TMEM215: variants seen among roughly 807,000 people sequenced by gnomAD.
TMEM215 encodes transmembrane protein 215.
Under a neutral mutation model 14.7 loss-of-function variants are expected in TMEM215, and 12 were observed. The ratio of observed to expected loss-of-function variants is 0.82; its 90% confidence interval spans 0.52 to 1.33. The LOEUF (loss-of-function observed/expected upper bound fraction) is 1.33. TMEM215 is among the 40% of genes most tolerant of loss of function. TMEM215 has a pLI of 0.00. For missense variants in TMEM215, 276 were observed against 296.2 expected (o/e 0.93, Z 0.50); for synonymous variants, 122 against 124.8 (o/e 0.98, Z 0.15).
chr9:32,786,526 C>A lies in TMEM215; in HGVS notation c.*1635C>A, dbSNP rs1824508498. The A allele has an allele frequency of 6.0e-6, 1 of 166,850 alleles. No individual in the cohort carries two copies. The highest frequency in any genetic ancestry group is 2.4e-5 in the African/African-American group (1 of 41,416). The allele number at this position is 166,850 out of a possible 1,614,324, so 10.3% of individuals were successfully genotyped here. A position where few individuals can be genotyped will look rare whatever the true frequency, so the allele number is the denominator to read the frequency against. Reference sequence around the variant, plus strand: ...TTTTATCTTCTTACACCTGAGTTTCCTACTCTGTGAAGGGAGGGGGAACTG... The same window carrying A: ...TTTTATCTTCTTACACCTGAGTTTCATACTCTGTGAAGGGAGGGGGAACTG... On this transcript the variant is annotated 3_prime_UTR_variant, in exon 2 of 2. Coordinates refer to ENST00000342743, the MANE Select transcript of TMEM215 (RefSeq NM_212558.3).
In TMEM215 at chr9:32,784,573, C is replaced by G; in HGVS notation, c.390C>G (p.Ser130=). 1.9e-6 allele frequency: 3 copies of G among 1,613,590 alleles called. No individual in the cohort carries two copies. The highest frequency in any genetic ancestry group is 2.2e-5 in the South Asian group (2 of 91,062). Residue 130 remains serine, a synonymous_variant, in exon 2 of 2, where the codon TCC becomes TCG. Coordinates refer to ENST00000342743, the MANE Select transcript of TMEM215 (RefSeq NM_212558.3). ...CCCCACAAAGCCAGGGTGAGGTGTCCGTGGCCAGCTCCATCAACAGCCCCA... is the reference window on the plus strand; with the variant it reads ...CCCCACAAAGCCAGGGTGAGGTGTCGGTGGCCAGCTCCATCAACAGCCCCA... ...KPPPQSQGEV[S]VASSINSPTP...
rs1824503542 is a variant in TMEM215 at position 32,786,077 on chromosome 9, A to G, written c.*1186A>G. 6.0e-6 allele frequency: 1 copy of G among 167,002 alleles called. No individual in the cohort carries two copies. The highest frequency in any genetic ancestry group is 1.5e-5 in the Non-Finnish European group (1 of 68,082). The allele number at this position is 167,002 out of a possible 1,614,324, so 10.3% of individuals were successfully genotyped here. A position where few individuals can be genotyped will look rare whatever the true frequency, so the allele number is the denominator to read the frequency against. Reference sequence around the variant, plus strand: ...CTGCTGAGGAAAACAACAAATCACAATGATATCCTAAAATGTGCTTTCTAT... The same window carrying G: ...CTGCTGAGGAAAACAACAAATCACAGTGATATCCTAAAATGTGCTTTCTAT... On this transcript the variant is annotated 3_prime_UTR_variant, in exon 2 of 2. Coordinates refer to ENST00000342743, the MANE Select transcript of TMEM215 (RefSeq NM_212558.3).
In TMEM215 at chr9:32,783,814, T is replaced by G. The variant is rs1466716273; in HGVS notation, c.-59+9T>G. 5.2e-6 allele frequency: 1 copy of G among 193,952 alleles called. No individual in the cohort carries two copies. The highest frequency in any genetic ancestry group is 1.0e-5 in the Non-Finnish European group (1 of 95,372). The allele number at this position is 193,952 out of a possible 1,614,324, so 12.0% of individuals were successfully genotyped here. On this transcript the variant is annotated intron_variant, in intron 1 of 1. Coordinates refer to ENST00000342743, the MANE Select transcript of TMEM215 (RefSeq NM_212558.3). ...AGGGCAGGAAACCTCAGGTACCTCGTTGACCCCAGCCGGAGCGTGTTGATA... is the reference window on the plus strand; with the variant it reads ...AGGGCAGGAAACCTCAGGTACCTCGGTGACCCCAGCCGGAGCGTGTTGATA...
Position 32,784,235 on chromosome 9 carries a change from A to G in TMEM215, c.52A>G (p.Ser18Gly). Residue 18 changes from serine to glycine, a missense_variant, in exon 2 of 2, where the codon AGT becomes GGT. Ser to Gly is a moderately conservative substitution (Grantham distance 56). Coordinates refer to ENST00000342743, the MANE Select transcript of TMEM215 (RefSeq NM_212558.3). ...GACTGGGCTGGTGGTGGCCCTGGTCAGTGTCTTCCTCGTCTTTGGTTTCAT... is the reference window on the plus strand; with the variant it reads ...GACTGGGCTGGTGGTGGCCCTGGTCGGTGTCTTCCTCGTCTTTGGTTTCAT... ...PRTGLVVALV[S>G]VFLVFGFMFT... 1 of 1,614,182 alleles carries G rather than the reference A, an allele frequency of 6.2e-7. No individual in the cohort carries two copies. The highest frequency in any genetic ancestry group is 2.2e-5 in the East Asian group (1 of 44,872).
chr9:32,784,041 CAA>C, intron 1 of TMEM215, 83 bp from the exon 2 acceptor site: 1 of 730,546 alleles, frequency 1.4e-6, no homozygotes, highest in Non-Finnish European at 2.3e-6. Flanking sequence ...AAGTCGGAGA[CAA>C]AGGGCAAGAG....
Position 32,784,924 on chromosome 9 carries a change from A to C in TMEM215, c.*33A>C. 14 of 1,568,314 alleles carry C rather than the reference A, an allele frequency of 8.9e-6. No homozygotes were observed. Among genetic ancestry groups the C allele is most frequent in the Non-Finnish European group, 1.1e-5 (13 of 1,147,168 alleles). ...CTACAAAGGTGGCTGGATTGATAGA[A>C]TATGACTAAGCCCAGCTCCCCGTGG... On this transcript the variant is annotated 3_prime_UTR_variant, in exon 2 of 2. Transcript: ENST00000342743.
rs549813167 is a variant in TMEM215 at position 32,784,786 on chromosome 9, G to A, written c.603G>A (p.Gln201=). 5.5e-5 allele frequency: 88 copies of A among 1,613,838 alleles called. No homozygotes were observed. The South Asian group carries it at 9.3e-4, about 17-fold the overall frequency. ...AGGATAGCATCTTCTTTGTGCCCCA[G>A]GACAGTATCATCGTTTGCTCCTACA... The part of the protein sequence containing the change: ...EPEDSIFFVP[Q]DSIIVCSYKQ... The change falls in exon 2 of 2, where the codon CAG becomes CAA. Residue 201 remains glutamine (Q), a synonymous_variant. Coordinates refer to ENST00000342743, the MANE Select transcript of TMEM215 (RefSeq NM_212558.3).
Position 32,784,467 on chromosome 9 carries a change from T to C in TMEM215, c.284T>C (p.Leu95Pro). 6.2e-7 allele frequency: 1 copy of C among 1,614,102 alleles called. No homozygotes were observed. Among genetic ancestry groups the C allele is most frequent in the South Asian group, 1.1e-5 (1 of 91,080 alleles). ...KPKDKEVVEL[L>P]RTPSDLESGK... ...AAAGACAAGGAGGTGGTAGAGCTGC[T>C]GAGGACCCCTTCAGACCTAGAATCC... is the stretch of plus-strand genomic sequence containing the variant. Residue 95 changes from leucine to proline, a missense_variant, in exon 2 of 2, where the codon CTG (leucine) becomes CCG (proline). Leu to Pro is a moderately conservative substitution (Grantham distance 98, BLOSUM62 -3). Coordinates refer to ENST00000342743, the MANE Select transcript of TMEM215 (RefSeq NM_212558.3).
chr9:32,784,555 A>G lies in TMEM215; in HGVS notation c.372A>G (p.Gln124=). Residue 124 remains glutamine (Q), a synonymous_variant, in exon 2 of 2, where the codon CAA becomes CAG. Coordinates refer to ENST00000342743, the MANE Select transcript of TMEM215 (RefSeq NM_212558.3). The part of the protein sequence containing the change: ...KAGLRGKPPP[Q]SQGEVSVASS... Reference sequence around the variant, plus strand: ...GCCTCAGGGGGAAGCCTCCCCCACAAAGCCAGGGTGAGGTGTCCGTGGCCA... The same window carrying G: ...GCCTCAGGGGGAAGCCTCCCCCACAGAGCCAGGGTGAGGTGTCCGTGGCCA... 6.2e-7 allele frequency: 1 copy of G among 1,613,826 alleles called. No individual in the cohort carries two copies.
In TMEM215 at chr9:32,787,560, C is replaced by T. The variant is rs1039099244; in HGVS notation, c.*2669C>T. On this transcript the variant is annotated 3_prime_UTR_variant, in exon 2 of 2. Transcript: ENST00000342743. ...CTATTCAGAGTTAAACTTCCAAAGTCAAAAAATATATATACACAAAAAAAG... is the reference window on the plus strand; with the variant it reads ...CTATTCAGAGTTAAACTTCCAAAGTTAAAAAATATATATACACAAAAAAAG... Among the ~76,000 whole-genome samples the T allele has an allele frequency of 6.6e-6, 1 of 150,690 alleles. No individual in the cohort carries two copies. The highest frequency in any genetic ancestry group is 2.1e-4 in the South Asian group (1 of 4,806).
chr9:32,787,035 T>G lies in TMEM215; in HGVS notation c.*2144T>G, dbSNP rs1824514571. 6.0e-6 allele frequency: 1 copy of G among 166,934 alleles called. No individual in the cohort carries two copies. Among genetic ancestry groups the G allele is most frequent in the Admixed American group, 6.5e-5 (1 of 15,284 alleles). 10.3% of individuals were successfully genotyped at this position (166,934 alleles called of 1,614,324 possible). A position where few individuals can be genotyped will look rare whatever the true frequency, so the allele number is the denominator to read the frequency against. On this transcript the variant is annotated 3_prime_UTR_variant, in exon 2 of 2. Transcript: ENST00000342743. The stretch of plus-strand genomic sequence containing the variant: ...ACTTCCTTTAAGAAGTTTGCCACCG[T>G]TAGAGATGAGGAGATAGTGAGACAG...
rs963116058 is a variant in TMEM215, at chr9:32,785,097, T to C, written c.*206T>C. The C allele has an allele frequency of 1.1e-5, 6 of 554,084 alleles. No individual in the cohort carries two copies. Among genetic ancestry groups the C allele is most frequent in the Non-Finnish European group, 2.0e-5 (6 of 306,112 alleles). The allele number at this position is 554,084 out of a possible 1,614,324, so 34.3% of individuals were successfully genotyped here. Reference sequence around the variant, plus strand: ...GAAGGGCGATGAGGGTTAAGGACACTGGAAGAGGCAGTGGGTAGGAAAGGA... The same window carrying C: ...GAAGGGCGATGAGGGTTAAGGACACCGGAAGAGGCAGTGGGTAGGAAAGGA... On this transcript the variant is annotated 3_prime_UTR_variant, in exon 2 of 2. Transcript: ENST00000342743.
chr9:32,784,117 C>T lies in TMEM215; in HGVS notation c.-58-9C>T, dbSNP rs1824472237. 2 of 1,479,220 alleles carry T rather than the reference C, an allele frequency of 1.4e-6. No homozygotes were observed. The highest frequency in any genetic ancestry group is 2.1e-5 in the Admixed American group (1 of 48,058). The allele number at this position is 1,479,220 out of a possible 1,614,324, so 91.6% of individuals were successfully genotyped here. A position where few individuals can be genotyped will look rare whatever the true frequency, so the allele number is the denominator to read the frequency against. ...TTTTTTTAACGCACTGTGGTTTCAT[C>T]TCTGACAGAATAGAGGAACGCTGCT... On this transcript the variant is annotated splice_polypyrimidine_tract_variant and intron_variant, in intron 1 of 1. Transcript: ENST00000342743.
Position 32,788,528 on chromosome 9 carries a change from T to C in TMEM215, c.*3637T>C, listed in dbSNP as rs866594553. The stretch of plus-strand genomic sequence containing the variant: ...TTCCATAATTTATCATGCCATTCCT[T>C]ATTGCTGGCAAGATACTAAGTTTTA... On this transcript the variant is annotated 3_prime_UTR_variant, in exon 2 of 2. Coordinates refer to ENST00000342743, the MANE Select transcript of TMEM215 (RefSeq NM_212558.3). Among the ~76,000 whole-genome samples the C allele has an allele frequency of 4.5e-4, 69 of 152,388 alleles. No individual in the cohort carries two copies. Among genetic ancestry groups the C allele is most frequent in the African/African-American group, 1.6e-3 (67 of 41,592 alleles).
rs139619571 is a variant in TMEM215 at position 32,785,564 on chromosome 9, A to G, written c.*673A>G. ...CTATGTGAAAAGTTAACATTTTTAG[A>G]TGGCTATGTTACTTCTTAAACTCTT... On this transcript the variant is annotated 3_prime_UTR_variant, in exon 2 of 2. Coordinates refer to ENST00000342743, the MANE Select transcript of TMEM215 (RefSeq NM_212558.3). 1.4e-3 allele frequency: 241 copies of G among 167,238 alleles called. 1 individual carries two copies. Among genetic ancestry groups the G allele is most frequent in the Middle Eastern group, 3.4e-3 (1 of 296 alleles). 10.4% of individuals were successfully genotyped at this position (167,238 alleles called of 1,614,324 possible).
chr9:32,788,732 T>C lies in TMEM215; in HGVS notation c.*3841T>C, dbSNP rs1563868944. 6.6e-6 allele frequency among the ~76,000 whole-genome samples: 1 copy of C among 152,238 alleles called. No individual in the cohort carries two copies. The highest frequency in any genetic ancestry group is 1.5e-5 in the Non-Finnish European group (1 of 68,042). On this transcript the variant is annotated 3_prime_UTR_variant, in exon 2 of 2. Transcript: ENST00000342743. ...TGTTGTGTGGGTCTTCCCTTCACTC[T>C]TGTGGATATAAGACCCAGGGTGGGA...
In TMEM215 at chr9:32,783,975, T is replaced by G. The variant is rs555702607; in HGVS notation, c.-58-151T>G. ...TGCAAGAGAAACGCAGAGAGAGAGATAGAGAGATTGCAAGAGAGATACAGA... is the reference window on the plus strand; with the variant it reads ...TGCAAGAGAAACGCAGAGAGAGAGAGAGAGAGATTGCAAGAGAGATACAGA... On this transcript the variant is annotated intron_variant, in intron 1 of 1. Coordinates refer to ENST00000342743, the MANE Select transcript of TMEM215 (RefSeq NM_212558.3). Among the ~76,000 whole-genome samples, 5 of 151,464 alleles carry G rather than the reference T, an allele frequency of 3.3e-5. No individual in the cohort carries two copies. The East Asian group carries it at 7.8e-4, about 24-fold the overall frequency.
At position 32,787,008 on chromosome 9, in the gene TMEM215, A is replaced by C. The variant is rs1403112972; in HGVS notation, c.*2117A>C. 2 of 167,000 alleles carry C rather than the reference A, an allele frequency of 1.2e-5. No individual in the cohort carries two copies. The highest frequency in any genetic ancestry group is 4.8e-5 in the African/African-American group (2 of 41,456). The allele number at this position is 167,000 out of a possible 1,614,324, so 10.3% of individuals were successfully genotyped here. A position where few individuals can be genotyped will look rare whatever the true frequency, so the allele number is the denominator to read the frequency against. On this transcript the variant is annotated 3_prime_UTR_variant, in exon 2 of 2. Coordinates refer to ENST00000342743, the MANE Select transcript of TMEM215 (RefSeq NM_212558.3). Reference sequence around the variant, plus strand: ...CTATGCAATAACTCTTTAGGAATGAAAACTTCCTTTAAGAAGTTTGCCACC... The same window carrying C: ...CTATGCAATAACTCTTTAGGAATGACAACTTCCTTTAAGAAGTTTGCCACC...
chr9:32,784,133 G>A lies in TMEM215; in HGVS notation c.-51G>A, dbSNP rs373039866. 11 of 1,539,796 alleles carry A rather than the reference G, an allele frequency of 7.1e-6. No homozygotes were observed. In the African/African-American group the frequency reaches 1.5e-4, roughly 21 times the overall value. ...TGGTTTCATCTCTGACAGAATAGAG[G>A]AACGCTGCTCCCTGGTCAGCAAGCA... On this transcript the variant is annotated 5_prime_UTR_variant, in exon 2 of 2. Coordinates refer to ENST00000342743, the MANE Select transcript of TMEM215 (RefSeq NM_212558.3).
Sources: allele counts gnomAD v4.1 joint callset (sites outside exome capture counted in the v4.1 genomes callset), GRCh38; gene constraint gnomAD v4.1.1; transcripts MANE v1.5; gene names NCBI Gene and HGNC (gene_info 2026-07-23, HGNC 2026-07-21).